The following SH3PXD2A variants were observed in gnomAD, a reference collection of about 807,000 sequenced individuals.
The protein encoded by SH3PXD2A is SH3 and PX domain-containing protein 2A.
A neutral mutation model predicts 115.2 loss-of-function variants in SH3PXD2A; 32 were observed. That is an observed-to-expected ratio of 0.28 (90% CI 0.21 to 0.37). The LOEUF (loss-of-function observed/expected upper bound fraction) is 0.37, where lower values mean the gene tolerates loss of function less well. SH3PXD2A is among the 10% of genes least tolerant of loss of function. The pLI, the probability that SH3PXD2A is intolerant of heterozygous loss-of-function variation, is 1.00. For synonymous variants in SH3PXD2A, 610 were observed against 629.1 expected, an observed-to-expected ratio of 0.97 and a Z score of 0.45; for missense variants, 1,328 against 1,498.7, an observed-to-expected ratio of 0.89 and a Z score of 1.88.
rs560435737 is a variant in SH3PXD2A at position 103,752,572 on chromosome 10, C to G, written c.229+14522G>C. On this transcript the variant is annotated intron_variant, in intron 3 of 14. Transcript: ENST00000369774. Reference sequence around the variant, plus strand: ...GTCATGCACAGCAAAAGAAACCGGACAGCAAAGCAGACCCCAGGCCCAGAG... The same window carrying G: ...GTCATGCACAGCAAAAGAAACCGGAGAGCAAAGCAGACCCCAGGCCCAGAG... Among the ~76,000 whole-genome samples, 5 of 152,326 alleles carry G rather than the reference C, an allele frequency of 3.3e-5. No homozygotes were observed. The South Asian group carries it at 1.0e-3, about 32-fold the overall frequency.
chr10:103,840,952 A>G (rs1232039376), intron 1 of SH3PXD2A, among the ~76,000 whole-genome samples: 2 of 152,244 alleles, frequency 1.3e-5, no homozygotes, highest in Non-Finnish European at 2.9e-5. Flanking sequence ...TAGGTGAACT[A>G]GAGATATCTG....
intron 4 of SH3PXD2A, among the ~76,000 whole-genome samples, chr10:103,732,730 G>A (rs963820409): frequency 6.6e-6 from 1 of 152,218 alleles, no homozygotes; most frequent in Non-Finnish European, 1.5e-5. Flanking sequence ...TGTCTAGCAG[G>A]TCGAAGGAAG....
intron 14 of SH3PXD2A, among the ~76,000 whole-genome samples, chr10:103,605,024 T>C (rs1488368239): frequency 2.6e-5 from 4 of 152,308 alleles, no homozygotes; most frequent in East Asian, 3.9e-4. Context: ...ACTCAGAGAA[T>C]TGACTAAGTT....
chr10:103,748,369 T>A (rs529369140), intron 3 of SH3PXD2A, among the ~76,000 whole-genome samples: 9 of 152,284 alleles, frequency 5.9e-5, no homozygotes, highest in Middle Eastern at 3.4e-3. Flanking sequence ...CTTCCTTCCT[T>A]TCCCTGAGCC....
At chr10:103,812,721 G>A (rs2039282760) in intron 1 of SH3PXD2A, among the ~76,000 whole-genome samples, 2 of 152,160 alleles carry the variant, frequency 1.3e-5, no homozygotes, top group African/African-American at 4.8e-5. Flanking sequence ...AATGACCCCT[G>A]GGCTTCCTCC....
At chr10:103,846,423 C>T (rs755040440) in intron 1 of SH3PXD2A, among the ~76,000 whole-genome samples, 1 of 152,238 alleles carries the variant, frequency 6.6e-6, no homozygotes, top group Non-Finnish European at 1.5e-5. Flanking sequence ...AGCCTAAGTA[C>T]TCCTGAGTCG....
At chr10:103,646,297 T>C (rs1334496242) in intron 8 of SH3PXD2A, among the ~76,000 whole-genome samples, 1 of 152,108 alleles carries the variant, frequency 6.6e-6, no homozygotes, top group Non-Finnish European at 1.5e-5. Context: ...GGGAACCATC[T>C]TGTCTTCTTG....
chr10:103,785,904 G>T (rs2134245995), intron 2 of SH3PXD2A, among the ~76,000 whole-genome samples: 1 of 151,888 alleles, frequency 6.6e-6, no homozygotes, highest in Non-Finnish European at 1.5e-5. Flanking sequence ...AGCCTCCGGG[G>T]AGGCTGACAT....
intron 1 of SH3PXD2A, among the ~76,000 whole-genome samples, chr10:103,851,148 GAAA>G (rs11357351): frequency 2.1e-5 from 3 of 140,598 alleles, no homozygotes; most frequent in Non-Finnish European, 3.1e-5. Flanking sequence ...TAAGGGCTGA[GAAA>G]AAAAAAAAAA....
intron 2 of SH3PXD2A, among the ~76,000 whole-genome samples, chr10:103,768,361 G>A (rs892245181): frequency 6.6e-6 from 1 of 152,200 alleles, no homozygotes; most frequent in Non-Finnish European, 1.5e-5. Context: ...GAGACCTGCA[G>A]GGGGGCGAGG....
At chr10:103,733,044 G>A (rs2038340566) in intron 4 of SH3PXD2A, among the ~76,000 whole-genome samples, 1 of 152,100 alleles carries the variant, frequency 6.6e-6, no homozygotes, top group Non-Finnish European at 1.5e-5. Context: ...AGAATTAAAG[G>A]TCACTCTGTA....
intron 5 of SH3PXD2A, among the ~76,000 whole-genome samples, chr10:103,701,145 TATCCATCCATCCATCCATCC>T (rs376498733): frequency 1.8e-5 from 1 of 55,354 alleles, no homozygotes; most frequent in African/African-American, 9.8e-5. Context: ...ATCCATCCAC[TATCCATCCATCCATCCATCC>T]ATCCATCCAT....
chr10:103,683,231 G>A (rs554512939), intron 6 of SH3PXD2A, among the ~76,000 whole-genome samples: 3 of 152,180 alleles, frequency 2.0e-5, no homozygotes, highest in South Asian at 2.1e-4. Context: ...AAAAAATAAA[G>A]GCTAGAAATG....
intron 5 of SH3PXD2A, among the ~76,000 whole-genome samples, chr10:103,713,672 C>T (rs1286911420): frequency 6.6e-6 from 1 of 152,200 alleles, no homozygotes; most frequent in African/African-American, 2.4e-5. Context: ...TTTGTTGCTG[C>T]GCAAGGCCCT....
intron 8 of SH3PXD2A, among the ~76,000 whole-genome samples, chr10:103,652,732 C>T (rs1354291716): frequency 1.3e-5 from 2 of 152,130 alleles, no homozygotes; most frequent in African/African-American, 2.4e-5. Flanking sequence ...AGAGACCTGT[C>T]ATTTCCACTG....
At chr10:103,632,807 C>T (rs574661489) in intron 8 of SH3PXD2A, among the ~76,000 whole-genome samples, 1 of 151,946 alleles carries the variant, frequency 6.6e-6, no homozygotes, top group South Asian at 2.1e-4. Context: ...AACCCCGTCT[C>T]TACTAAAAAT....
chr10:103,611,615 C>T lies in SH3PXD2A; in HGVS notation c.1274G>A (p.Arg425Gln), dbSNP rs747631325. The T allele has an allele frequency of 2.7e-5, 44 of 1,613,998 alleles. No homozygotes were observed. The highest frequency in any genetic ancestry group is 3.5e-5 in the Non-Finnish European group (41 of 1,179,960). ...QRAQISSPNL[R>Q]TRPPPRRESS... Reference sequence around the variant, plus strand: ...TTCTCTGCGTGGTGGAGGTCTTGTCCGTAGGTTCGGGGAGCCTAGAGGAAG... The same window carrying T: ...TTCTCTGCGTGGTGGAGGTCTTGTCTGTAGGTTCGGGGAGCCTAGAGGAAG... The change falls in exon 13 of 15, where the codon CGG (arginine) becomes CAG (glutamine). Residue 425 changes from arginine to glutamine, a missense_variant. Arg to Gln is a conservative substitution (Grantham distance 43). Around this residue, in one of 5 missense-constraint regions of SH3PXD2A, gnomAD observed 509 missense variants for 628.3 expected, o/e 0.81. Transcript: ENST00000369774.
At chr10:103,737,790 GAACA>G (rs1421468613) in intron 3 of SH3PXD2A, among the ~76,000 whole-genome samples, 1 of 152,200 alleles carries the variant, frequency 6.6e-6, no homozygotes, top group Non-Finnish European at 1.5e-5. Context: ...AGGCAGAAGT[GAACA>G]GACAGGGGAC....
At chr10:103,734,408 C>A (rs151278904) in intron 4 of SH3PXD2A, among the ~76,000 whole-genome samples, 6 of 152,030 alleles carry the variant, frequency 3.9e-5, no homozygotes, top group South Asian at 2.1e-4. Flanking sequence ...TTTAATAAAG[C>A]CTTTTCACCA....
Sources: allele counts gnomAD v4.1 joint callset (sites outside exome capture counted in the v4.1 genomes callset), GRCh38; gene constraint gnomAD v4.1.1; regional missense constraint gnomAD v4.1.1; transcripts MANE v1.5; gene names NCBI Gene and HGNC (gene_info 2026-07-23, HGNC 2026-07-21).